Variants in GNA14 observed in about 807,000 individuals in gnomAD.
GNA14 encodes G protein subunit alpha 14, also known as guanine nucleotide-binding protein subunit alpha-14.
A neutral mutation model predicts 42.0 loss-of-function variants in GNA14; 50 were observed. That is an observed-to-expected ratio of 1.19 (90% confidence interval 0.95 to 1.51). The LOEUF is 1.51. Among genes scored for constraint, GNA14 ranks in the 40% most tolerant of loss-of-function variants. The pLI is 0.00. For missense variants in GNA14, 473 were observed against 446.2 expected (o/e 1.06, Z -0.54); for synonymous variants, 173 against 163.1 (o/e 1.06, Z -0.46).
At chr9:77,568,303 C>T (rs959505175) in intron 1 of GNA14, among the ~76,000 whole-genome samples, 6 of 151,742 alleles carry the variant, frequency 4.0e-5, no homozygotes, top group African/African-American at 1.5e-4. Flanking sequence ...CAGATATTTC[C>T]AGTGGGAATG....
At chr9:77,570,858 T>C (rs1003106646) in intron 1 of GNA14, among the ~76,000 whole-genome samples, 1 of 151,088 alleles carries the variant, frequency 6.6e-6, no homozygotes, top group Admixed American at 6.6e-5. Flanking sequence ...CCACTGGAAA[T>C]ATCTGAGCTC....
chr9:77,514,545 A>G (rs1837218094), intron 2 of GNA14, among the ~76,000 whole-genome samples: 1 of 152,076 alleles, frequency 6.6e-6, no homozygotes, highest in South Asian at 2.1e-4. Context: ...TGGAAAGAGT[A>G]TCTAACCCAA....
intron 2 of GNA14, among the ~76,000 whole-genome samples, chr9:77,477,888 C>A (rs1312549496): frequency 2.6e-5 from 4 of 151,460 alleles, no homozygotes; most frequent in Admixed American, 6.6e-5. Context: ...ATTCCTTCAA[C>A]AGAATAAAAA....
At chr9:77,520,194 C>A (rs1293982614) in intron 2 of GNA14, among the ~76,000 whole-genome samples, 2 of 152,042 alleles carry the variant, frequency 1.3e-5, no homozygotes, top group Non-Finnish European at 2.9e-5. Flanking sequence ...ATAAGCAAAT[C>A]GGCCCCTGAA....
At chr9:77,641,023 A>C (rs1239328635) in intron 1 of GNA14, among the ~76,000 whole-genome samples, 1 of 139,304 alleles carries the variant, frequency 7.2e-6, no homozygotes, top group Admixed American at 7.3e-5. Flanking sequence ...GAGGGAAAAA[A>C]ACCTAGGTAT....
chr9:77,601,076 G>C (rs913714984), intron 1 of GNA14, among the ~76,000 whole-genome samples: 4 of 152,250 alleles, frequency 2.6e-5, no homozygotes, highest in Non-Finnish European at 4.4e-5. Flanking sequence ...GCAGGGGGAG[G>C]AGCGTGGGCT....
At chr9:77,460,799 C>T (rs1836091170) in intron 2 of GNA14, among the ~76,000 whole-genome samples, 1 of 152,182 alleles carries the variant, frequency 6.6e-6, no homozygotes, top group Non-Finnish European at 1.5e-5. Context: ...AGTGCATTAT[C>T]ACCATCACAG....
chr9:77,494,568 A>G (rs1836840372), intron 2 of GNA14, among the ~76,000 whole-genome samples: 1 of 152,216 alleles, frequency 6.6e-6, no homozygotes, highest in Non-Finnish European at 1.5e-5. Flanking sequence ...GACTTTGTTT[A>G]ACACTGTATT....
chr9:77,574,981 A>G (rs1280611904), intron 1 of GNA14, among the ~76,000 whole-genome samples: 3 of 152,202 alleles, frequency 2.0e-5, no homozygotes, highest in Non-Finnish European at 4.4e-5. Context: ...AATCAGCCAG[A>G]TGTCTACCCT....
chr9:77,447,857 C>T (rs557122556), intron 2 of GNA14, among the ~76,000 whole-genome samples: 32 of 152,292 alleles, frequency 2.1e-4, no homozygotes, highest in South Asian at 1.7e-3. Flanking sequence ...ACAAGGCTCC[C>T]GCTAAGTGCA....
At chr9:77,537,215 C>T (rs1342292019) in intron 1 of GNA14, among the ~76,000 whole-genome samples, 2 of 152,072 alleles carry the variant, frequency 1.3e-5, no homozygotes, top group African/African-American at 4.8e-5. Context: ...AATCAACCTC[C>T]CTTCATCCTC....
chr9:77,476,936 C>T (rs959600925), intron 2 of GNA14, among the ~76,000 whole-genome samples: 3 of 152,206 alleles, frequency 2.0e-5, no homozygotes, highest in African/African-American at 7.2e-5. Context: ...CAGGGAAAGA[C>T]TGCATGAGTA....
intron 2 of GNA14, among the ~76,000 whole-genome samples, chr9:77,463,175 G>A (rs1836145914): frequency 6.6e-6 from 1 of 152,136 alleles, no homozygotes; most frequent in Non-Finnish European, 1.5e-5. Context: ...AAGTGACAGT[G>A]GAATGTGGGA....
At chr9:77,645,046 A>G (rs1394917027) in intron 1 of GNA14, among the ~76,000 whole-genome samples, 2 of 152,206 alleles carry the variant, frequency 1.3e-5, no homozygotes, top group Non-Finnish European at 2.9e-5. Flanking sequence ...ACCAAACAAC[A>G]GCTTTTATCT....
chr9:77,486,259 T>A (rs2131732485), intron 2 of GNA14, among the ~76,000 whole-genome samples: 1 of 152,316 alleles, frequency 6.6e-6, no homozygotes, highest in South Asian at 2.1e-4. Context: ...ATAATCCTCA[T>A]GAACCAACCT....
chr9:77,516,634 G>C (rs887205623), intron 2 of GNA14, among the ~76,000 whole-genome samples: 7 of 151,848 alleles, frequency 4.6e-5, no homozygotes, highest in African/African-American at 1.5e-4. Flanking sequence ...GCTAAGGTGG[G>C]AGAATCACTT....
intron 1 of GNA14, among the ~76,000 whole-genome samples, chr9:77,548,462 C>T (rs1283875931): frequency 6.6e-6 from 1 of 152,084 alleles, no homozygotes; most frequent in Non-Finnish European, 1.5e-5. Flanking sequence ...TGGGGGCGCA[C>T]GATTCAACCC....
At chr9:77,597,414 A>C (rs149733346) in intron 1 of GNA14, among the ~76,000 whole-genome samples, 1 of 152,180 alleles carries the variant, frequency 6.6e-6, no homozygotes, top group East Asian at 1.9e-4. Flanking sequence ...TTGAGTGGAC[A>C]CAGTATAACG....
chr9:77,425,848 G>A lies in GNA14; in HGVS notation c.724-133C>T, dbSNP rs534806528. 8.6e-5 allele frequency: 61 copies of A among 710,020 alleles called. No homozygotes were observed. In the South Asian group the frequency reaches 9.0e-4, roughly 11 times the overall value. The allele number at this position is 710,020 out of a possible 1,614,324, so 44.0% of individuals were successfully genotyped here. On this transcript the variant is annotated intron_variant, in intron 5 of 6. Coordinates refer to ENST00000341700, the MANE Select transcript of GNA14 (RefSeq NM_004297.4). Reference sequence around the variant, plus strand: ...TGGGCCACTGTCTGCTGAAGCTGGTGAGCATGTGGGGCCCCAGGCTACAGG... The same window carrying A: ...TGGGCCACTGTCTGCTGAAGCTGGTAAGCATGTGGGGCCCCAGGCTACAGG...
Sources: allele counts gnomAD v4.1 joint callset (sites outside exome capture counted in the v4.1 genomes callset), GRCh38; gene constraint gnomAD v4.1.1; transcripts MANE v1.5; gene names NCBI Gene and HGNC (gene_info 2026-07-23, HGNC 2026-07-21).